GLB1: variants seen among roughly 807,000 people sequenced by gnomAD.
GLB1 encodes the protein beta-galactosidase.
In GLB1, 56 loss-of-function variants were observed where a neutral mutation model predicts 74.0. That is an observed-to-expected ratio of 0.76 (90% confidence interval 0.61 to 0.94). The LOEUF (loss-of-function observed/expected upper bound fraction) is 0.94. Ranked by LOEUF, GLB1 falls within the 40% of genes least tolerant of loss-of-function variation. The probability of loss-of-function intolerance (pLI) is 0.00; values close to 1 mark genes in which losing one functional copy is unlikely to be tolerated. For missense variants in GLB1, 787 were observed against 845.5 expected, an observed-to-expected ratio of 0.93 and a Z score of 0.86; for synonymous variants, 323 against 323.6, an observed-to-expected ratio of 1.00 and a Z score of 0.02.
intron 15 of GLB1, among the ~76,000 whole-genome samples, chr3:33,009,450 A>T (rs1696930327): frequency 6.6e-6 from 1 of 152,086 alleles, no homozygotes; most frequent in Non-Finnish European, 1.5e-5. Flanking sequence ...TGAACCCAGG[A>T]GGCGGAGGTT....
At chr3:33,015,569 T>C (rs1697206480) in intron 14 of GLB1, among the ~76,000 whole-genome samples, 1 of 152,190 alleles carries the variant, frequency 6.6e-6, no homozygotes, top group African/African-American at 2.4e-5. Flanking sequence ...TTGATAAATA[T>C]TAACCAGGTG....
intron 1 of GLB1, chr3:33,092,705 C>A: frequency 6.9e-7 from 1 of 1,456,708 alleles, no homozygotes; most frequent in Non-Finnish European, 9.0e-7. Flanking sequence ...TTGAGTCAGG[C>A]TTGTGACCAA....
intron 6 of GLB1, among the ~76,000 whole-genome samples, chr3:33,054,573 T>C (rs1448649738): frequency 1.3e-5 from 2 of 152,152 alleles, no homozygotes; most frequent in Admixed American, 6.6e-5. Context: ...AATAACACCA[T>C]ACACATGATA....
At chr3:32,984,302 G>A in the GLB1 span, among the ~76,000 whole-genome samples, 12 of 152,016 alleles carry the variant, frequency 7.9e-5, no homozygotes, top group Admixed American at 1.3e-4. Flanking sequence ...ATTCAAGGGC[G>A]TTGCTCAGGG....
rs958407806 is a variant in GLB1, at chr3:33,093,777, T to C, written c.75+3234A>G. ...GCGCCAGGCCAAGAGCTGGTAGGCC[T>C]GCTCCATGCCGCTGAGGATGAAGAG... On this transcript the variant is annotated intron_variant, in intron 1 of 15. Coordinates refer to ENST00000307363, the MANE Select transcript of GLB1 (RefSeq NM_000404.4). The surrounding 1 kb of genome is among the most constrained non-coding windows in gnomAD (Gnocchi z 6.0). 6 of 1,613,520 alleles carry C rather than the reference T, an allele frequency of 3.7e-6. No homozygotes were observed. Among genetic ancestry groups the C allele is most frequent in the Non-Finnish European group, 5.1e-6 (6 of 1,179,742 alleles).
the GLB1 span, among the ~76,000 whole-genome samples, chr3:32,976,872 CT>C: frequency 6.6e-6 from 1 of 152,104 alleles, no homozygotes; most frequent in South Asian, 2.1e-4. Flanking sequence ...GGTAGAATAT[CT>C]TTTACACACT....
intron 15 of GLB1, among the ~76,000 whole-genome samples, chr3:33,003,736 G>T (rs975297439): frequency 6.6e-6 from 1 of 152,188 alleles, no homozygotes; most frequent in Non-Finnish European, 1.5e-5. Flanking sequence ...CCTCTATCAA[G>T]AAGTAGAATC....
At chr3:33,015,633 A>C (rs1697209116) in intron 14 of GLB1, among the ~76,000 whole-genome samples, 1 of 152,234 alleles carries the variant, frequency 6.6e-6, no homozygotes, top group Non-Finnish European at 1.5e-5. Context: ...TACACAACAG[A>C]GTCGAGTCAC....
chr3:32,986,259 C>G, the GLB1 span, among the ~76,000 whole-genome samples: 1 of 151,962 alleles, frequency 6.6e-6, no homozygotes, highest in African/African-American at 2.4e-5. Flanking sequence ...TGGATTGGGT[C>G]CCAGAATGAA....
intron 15 of GLB1, among the ~76,000 whole-genome samples, chr3:32,998,512 CAA>C (rs35791447): frequency 2.5e-4 from 21 of 84,420 alleles, no homozygotes; most frequent in Admixed American, 6.6e-4. Context: ...GACTCCGTCT[CAA>C]AAAAAAAAAA....
Position 33,046,131 on chromosome 3 carries a change from T to C in GLB1, c.1057A>G (p.Ile353Val). 2.5e-6 allele frequency: 4 copies of C among 1,613,112 alleles called. No individual in the cohort carries two copies. Among genetic ancestry groups the C allele is most frequent in the South Asian group, 1.1e-5 (1 of 91,032 alleles). ...LTEKYFALRN[I>V]IQKFEKVPEG... ...TACAAAGCACCCACCTTCTGGATGA[T>C]GTTTCGCAGAGCAAAATACTTCTCA... Residue 353 changes from isoleucine (I) to valine (V), a missense_variant, in exon 10 of 16, where the codon ATC becomes GTC. Physicochemically the swap from Ile to Val is conservative, Grantham distance 29. Transcript: ENST00000307363.
At chr3:33,091,686 A>C (rs1700769599) in intron 1 of GLB1, 2 of 985,298 alleles carry the variant, frequency 2.0e-6, no homozygotes, top group Non-Finnish European at 1.2e-6. Flanking sequence ...AGGCTGAGTG[A>C]GGGAAAGTCA....
chr3:33,058,642 A>G (rs759041820), intron 5 of GLB1, among the ~76,000 whole-genome samples: 1 of 152,246 alleles, frequency 6.6e-6, no homozygotes, highest in African/African-American at 2.4e-5. Context: ...AAAAGTATCC[A>G]TTAATTCCAT....
intron 1 of GLB1, among the ~76,000 whole-genome samples, chr3:33,087,606 C>T (rs1333305409): frequency 1.3e-5 from 2 of 149,224 alleles, no homozygotes; most frequent in South Asian, 4.2e-4. Context: ...CACACACACA[C>T]ACACACACAC....
chr3:33,044,534 A>G lies in GLB1; in HGVS notation c.1068+1586T>C, dbSNP rs116480948. ...CAGAAAGCTTCAAAACAGAACAAAC[A>G]TACAAGGGAGAGCTTGGGAGACATT... On this transcript the variant is annotated intron_variant, in intron 10 of 15. Transcript: ENST00000307363. 5.7e-3 allele frequency among the ~76,000 whole-genome samples: 862 copies of G among 152,260 alleles called. 3 individuals are homozygous for G. The highest frequency in any genetic ancestry group is 9.0e-3 in the Non-Finnish European group (610 of 67,990).
intron 10 of GLB1, chr3:33,030,167 T>C (rs1697946903): frequency 1.3e-5 from 2 of 152,106 alleles, no homozygotes; most frequent in Admixed American, 6.6e-5. Context: ...GAATTGTATA[T>C]AGCTCCAACT....
At chr3:32,978,635 G>A in the GLB1 span, among the ~76,000 whole-genome samples, 9 of 152,304 alleles carry the variant, frequency 5.9e-5, no homozygotes, top group East Asian at 5.8e-4. Context: ...CTTGGCCAAC[G>A]GAAGTAACAT....
At chr3:33,016,979 T>C (rs1697259901) in intron 13 of GLB1, 139 bp from the exon 14 acceptor site, 1 of 1,413,842 alleles carries the variant, frequency 7.1e-7, no homozygotes, top group Non-Finnish European at 9.5e-7. Context: ...TTTGATAGCA[T>C]CTTAGCCCAA....
chr3:33,058,382 G>C, intron 5 of GLB1, 113 bp from the exon 6 acceptor site: 1 of 1,486,780 alleles, frequency 6.7e-7, no homozygotes, highest in Non-Finnish European at 9.2e-7. Context: ...AAGGCTTAAT[G>C]ACTGCTGGAA....
Sources: allele counts gnomAD v4.1 joint callset (sites outside exome capture counted in the v4.1 genomes callset), GRCh38; gene constraint gnomAD v4.1.1; non-coding constraint Gnocchi (gnomAD v3.1); transcripts MANE v1.5; gene names NCBI Gene and HGNC (gene_info 2026-07-23, HGNC 2026-07-21).